The following CHM variants were observed in gnomAD, a reference collection of about 807,000 sequenced individuals.
The protein encoded by CHM is CHM Rab escort protein, also known as rab proteins geranylgeranyltransferase component A 1.
In CHM, 10 loss-of-function variants were observed where a neutral mutation model predicts 49.0. That is an observed-to-expected ratio of 0.20 (90% CI 0.13 to 0.35). CHM has a LOEUF of 0.35. Among genes scored for constraint, CHM ranks in the 10% least tolerant of loss-of-function variants. The pLI, the probability that CHM is intolerant of heterozygous loss-of-function variation, is 1.00. For synonymous variants in CHM, 184 were observed against 167.5 expected (o/e 1.10, Z -0.76); for missense variants, 455 against 478.4 (o/e 0.95, Z 0.46).
intron 12 of CHM, among the ~76,000 whole-genome samples, chrX:85,891,871 G>A (rs1925485525): frequency 8.9e-6 from 1 of 111,904 alleles, no homozygotes; most frequent in Non-Finnish European, 1.9e-5. Flanking sequence ...CAGCCGGGAG[G>A]CAGGATATAC....
chrX:86,005,801 C>A lies in CHM; in HGVS notation c.116+21690G>T, dbSNP rs775611621. Among the ~76,000 whole-genome samples the A allele has an allele frequency of 4.5e-5, 5 of 111,456 alleles. No homozygotes were observed. In the East Asian group the frequency reaches 1.4e-3, roughly 32 times the overall value. ...CTACCAACCAAAAAATGTCCAGGAC[C>A]AGATGGATTCACAGCCGAATTCTAC... On this transcript the variant is annotated intron_variant, in intron 2 of 14. Transcript: ENST00000357749.
chrX:85,885,987 TTTA>T (rs1228467669), intron 12 of CHM, among the ~76,000 whole-genome samples: 2 of 111,710 alleles, frequency 1.8e-5, no homozygotes, highest in Admixed American at 1.9e-4. Context: ...TAAACACGAT[TTTA>T]TTGTTTGATT....
Position 85,975,834 on chromosome X carries a change from T to C in CHM, c.314+2933A>G, listed in dbSNP as rs73630487. The stretch of plus-strand genomic sequence containing the variant: ...ACTCCATATCTGCAAAATGTAACAT[T>C]AGCATCACTAACACATATGTTTCAA... On this transcript the variant is annotated intron_variant, in intron 4 of 14. Transcript: ENST00000357749. Among the ~76,000 whole-genome samples the C allele has an allele frequency of 8.5e-3, 950 of 112,114 alleles. 10 individuals carry two copies. The highest frequency in any genetic ancestry group is 0.028 in the African/African-American group (877 of 30,868).
At chrX:86,009,843 C>A (rs976715147) in intron 2 of CHM, among the ~76,000 whole-genome samples, 21 of 110,790 alleles carry the variant, frequency 1.9e-4, no homozygotes, top group African/African-American at 6.9e-4. Context: ...GGAAGATGAT[C>A]TGAGACTATT....
At position 85,897,341 on chromosome X, in the gene CHM, GTGTC is replaced by G. The variant is rs1277002014; in HGVS notation, c.1414-3061_1414-3058del. On this transcript the variant is annotated intron_variant, in intron 11 of 14. Transcript: ENST00000357749. ...TGTGTGTGTGTGTGTGTGTGTGTGT[GTGTC>G]TGTGTCTGTTTAAAAAAAATGTTGC... Among the ~76,000 whole-genome samples the G allele has an allele frequency of 7.9e-5, 8 of 101,840 alleles. No homozygotes were observed. The East Asian group carries it at 2.1e-3, about 27-fold the overall frequency. 88.4% of individuals were successfully genotyped at this position (101,840 alleles called of 115,157 possible). A position where few individuals can be genotyped will look rare whatever the true frequency, so the allele number is the denominator to read the frequency against.
rs774180239 is a variant in CHM at position 86,031,675 on chromosome X, T to C, written c.50-4118A>G. 2.8e-5 allele frequency among the ~76,000 whole-genome samples: 3 copies of C among 108,287 alleles called. No individual in the cohort carries two copies. In the South Asian group the frequency reaches 1.3e-3, roughly 45 times the overall value. 94.0% of individuals were successfully genotyped at this position (108,287 alleles called of 115,157 possible). A position where few individuals can be genotyped will look rare whatever the true frequency, so the allele number is the denominator to read the frequency against. ...GACCAACATGTAGAAACCCCATCTC[T>C]ACTAAAAATGCAAAATTAGCCAGGC... On this transcript the variant is annotated intron_variant, in intron 1 of 14. Coordinates refer to ENST00000357749, the MANE Select transcript of CHM (RefSeq NM_000390.4).
intron 2 of CHM, among the ~76,000 whole-genome samples, chrX:86,006,347 A>T (rs779917352): frequency 2.7e-5 from 3 of 111,994 alleles, no homozygotes; most frequent in South Asian, 7.5e-4. Flanking sequence ...CTTTGAAAAC[A>T]GGCACAAGAC....
At chrX:85,970,555 C>G in intron 4 of CHM, 2 of 501,016 alleles carry the variant, frequency 4.0e-6, no homozygotes, top group South Asian at 2.1e-4. Context: ...AAATTTGGCT[C>G]TGCTATCTCT....
intron 2 of CHM, among the ~76,000 whole-genome samples, chrX:85,984,047 A>G (rs893950037): frequency 4.3e-4 from 47 of 109,344 alleles, no homozygotes; most frequent in Middle Eastern, 4.7e-3. Context: ...ACTAAACAGA[A>G]AAAAATTAGC....
chrX:85,950,227 CAA>C (rs1212445352), intron 8 of CHM, among the ~76,000 whole-genome samples: 1 of 102,576 alleles, frequency 9.7e-6, no homozygotes, highest in African/African-American at 3.6e-5. Context: ...CACACACACA[CAA>C]ATCACTGAGA....
chrX:85,937,841 C>CAA (rs1302686614), intron 8 of CHM, among the ~76,000 whole-genome samples: 40 of 42,629 alleles, frequency 9.4e-4, no homozygotes, highest in South Asian at 6.9e-3. Flanking sequence ...AAGACTGTCT[C>CAA]AAAAAAAAAA....
chrX:85,914,919 A>G (rs1927358610), intron 8 of CHM, among the ~76,000 whole-genome samples: 1 of 111,348 alleles, frequency 9.0e-6, no homozygotes, highest in Non-Finnish European at 1.9e-5. Flanking sequence ...CTAGGGTTAG[A>G]GCATGCAGCC....
intron 2 of CHM, among the ~76,000 whole-genome samples, chrX:85,993,620 CA>C (rs1932308864): frequency 9.0e-6 from 1 of 111,715 alleles, no homozygotes; most frequent in Non-Finnish European, 1.9e-5. Context: ...TAGTAGAGTC[CA>C]AAATTCTTAG....
At chrX:85,870,697 A>C (rs913582248) in intron 14 of CHM, among the ~76,000 whole-genome samples, 1 of 111,939 alleles carries the variant, frequency 8.9e-6, no homozygotes, top group Non-Finnish European at 1.9e-5. Context: ...GAAAAGAGAT[A>C]TATCAGATGT....
intron 8 of CHM, among the ~76,000 whole-genome samples, chrX:85,944,480 CTGAA>C (rs1343605438): frequency 8.9e-6 from 1 of 112,344 alleles, no homozygotes; most frequent in Non-Finnish European, 1.9e-5. Flanking sequence ...CCTGTCATCA[CTGAA>C]TAAGTTCATT....
In CHM at chrX:86,020,895, TGATA is replaced by T. The variant is rs1328283702; in HGVS notation, c.116+6592_116+6595del. Reference sequence around the variant, plus strand: ...ATTTATCATATATATCTGATATATATGATAGATACATACATCTGATATATATATC... The same window carrying T: ...ATTTATCATATATATCTGATATATATGATACATACATCTGATATATATATC... On this transcript the variant is annotated intron_variant, in intron 2 of 14. Transcript: ENST00000357749. Among the ~76,000 whole-genome samples, 4 of 101,164 alleles carry T rather than the reference TGATA, an allele frequency of 4.0e-5. No homozygotes were observed. In the East Asian group the frequency reaches 1.2e-3, roughly 31 times the overall value. 87.8% of individuals were successfully genotyped at this position (101,164 alleles called of 115,157 possible). A position where few individuals can be genotyped will look rare whatever the true frequency, so the allele number is the denominator to read the frequency against.
At chrX:85,882,430 A>G (rs1278802210) in intron 12 of CHM, among the ~76,000 whole-genome samples, 3 of 111,280 alleles carry the variant, frequency 2.7e-5, no homozygotes, top group Non-Finnish European at 5.7e-5. Flanking sequence ...AAGATGCAAT[A>G]CAAGTGGAAA....
chrX:85,882,353 G>C (rs187303650), intron 12 of CHM, among the ~76,000 whole-genome samples: 22 of 110,937 alleles, frequency 2.0e-4, no homozygotes, highest in Middle Eastern at 9.2e-3. Context: ...GATCATACAG[G>C]GTAAATGCTT....
chrX:85,900,990 T>C (rs1027638955), intron 10 of CHM, 94 bp downstream of exon 10: 2 of 622,541 alleles, frequency 3.2e-6, no homozygotes, highest in Non-Finnish European at 5.2e-6. Flanking sequence ...ATATCTTTGG[T>C]TTGGCATTTA....
Sources: gnomAD v4.1 joint callset for allele counts (sites outside exome capture counted in the v4.1 genomes callset) on GRCh38, gnomAD v4.1.1 for gene constraint, MANE v1.5 for transcripts, NCBI Gene and HGNC (gene_info 2026-07-23, HGNC 2026-07-21) for gene names.